The following FAM200B variants were observed in gnomAD, a reference collection of about 807,000 sequenced individuals.
FAM200B encodes the protein protein FAM200B.
In FAM200B, 32 loss-of-function variants were observed where a neutral mutation model predicts 33.1. The observed-to-expected ratio is 0.97, with a 90% CI of 0.73 to 1.30. The LOEUF is 1.30. Ranked by LOEUF, FAM200B falls within the 50% of genes most tolerant of loss-of-function variation. The pLI, the probability that FAM200B is intolerant of heterozygous loss-of-function variation, is 0.00. For synonymous variants in FAM200B, 240 were observed against 264.8 expected, an observed-to-expected ratio of 0.91 and a Z score of 0.91; for missense variants, 741 against 754.0, an observed-to-expected ratio of 0.98 and a Z score of 0.20.
intron 1 of FAM200B, among the ~76,000 whole-genome samples, chr4:15,683,562 T>C (rs1371760629): frequency 6.6e-6 from 1 of 152,188 alleles, no homozygotes; most frequent in Non-Finnish European, 1.5e-5. Context: ...CCATATATAG[T>C]AATATAAAAA....
the FAM200B span, among the ~76,000 whole-genome samples, chr4:15,647,167 G>A: frequency 7.6e-6 from 1 of 132,380 alleles, no homozygotes; most frequent in Non-Finnish European, 1.5e-5. Context: ...AGGTTGCAGT[G>A]AGCCGAGATC....
the FAM200B span, among the ~76,000 whole-genome samples, chr4:15,666,896 A>AGTGCTAAATGT: frequency 6.6e-6 from 1 of 152,170 alleles, no homozygotes; most frequent in Non-Finnish European, 1.5e-5. Context: ...AGGCAAATGG[A>AGTGCTAAATGT]GTGCTAAATG....
the FAM200B span, chr4:15,641,580 T>C: frequency 1.3e-5 from 6 of 457,228 alleles, no homozygotes; most frequent in African/African-American, 5.8e-5. Flanking sequence ...ATAATTGTTA[T>C]TCGATTGTTT....
At chr4:15,670,710 GA>G in the FAM200B span, among the ~76,000 whole-genome samples, 91,358 of 148,846 alleles carry the variant, frequency 0.61, 27,936 homozygotes, top group Non-Finnish European at 0.64. Context: ...TTGAAAAAAG[GA>G]AAAAAAAAAA....
At position 15,687,002 on chromosome 4, in the gene FAM200B, A is replaced by T. The variant is rs1485823641; in HGVS notation, c.25A>T (p.Lys9Ter). 7.1e-7 allele frequency: 1 copy of T among 1,413,828 alleles called. No homozygotes were observed. Among genetic ancestry groups the T allele is most frequent in the East Asian group, 2.6e-5 (1 of 38,310 alleles). The allele number at this position is 1,413,828 out of a possible 1,614,324, so 87.6% of individuals were successfully genotyped here. The change falls in exon 2 of 2, where the codon AAG becomes TAG. Residue 9 changes from lysine to a stop codon, truncating the protein, a stop_gained. Coordinates refer to ENST00000422728, the MANE Select transcript of FAM200B (RefSeq NM_001145191.2). LOFTEE classifies it high-confidence loss of function. ...AATGGATCATTTCTTTATTAAAAGAAAGAGGAATAGTGAAGTGAAATATAC... is the reference window on the plus strand; with the variant it reads ...AATGGATCATTTCTTTATTAAAAGATAGAGGAATAGTGAAGTGAAATATAC... MDHFFIKR[K>*]RNSEVKYTEA...
At chr4:15,665,343 T>G in the FAM200B span, among the ~76,000 whole-genome samples, 2 of 152,124 alleles carry the variant, frequency 1.3e-5, no homozygotes, top group Admixed American at 1.3e-4. Context: ...CAAGGCAAAC[T>G]TGAGGTACAG....
chr4:15,679,791 A>C (rs34473224), upstream of FAM200B, among the ~76,000 whole-genome samples: 36,657 of 151,456 alleles, frequency 0.24, 4,683 homozygotes, highest in African/African-American at 0.28. Flanking sequence ...AGTATGTCTC[A>C]TTCTCTTCTC....
the FAM200B span, among the ~76,000 whole-genome samples, chr4:15,671,812 T>C: frequency 2.6e-5 from 4 of 152,210 alleles, no homozygotes; most frequent in Non-Finnish European, 5.9e-5. Flanking sequence ...ATGAATCTTT[T>C]CTTCCACAAT....
At chr4:15,684,537 A>C (rs549346697) in intron 1 of FAM200B, 22 of 152,270 alleles carry the variant, frequency 1.4e-4, no homozygotes, top group African/African-American at 5.3e-4. Flanking sequence ...TTCTTGGGGG[A>C]AAGTTGAAGC....
the FAM200B span, among the ~76,000 whole-genome samples, chr4:15,675,294 T>C: frequency 9.2e-5 from 14 of 152,080 alleles, no homozygotes; most frequent in African/African-American, 3.4e-4. Flanking sequence ...TAGAAATTAA[T>C]ATGGGAAGCA....
upstream of FAM200B, among the ~76,000 whole-genome samples, chr4:15,680,521 A>G (rs1674253197): frequency 6.6e-6 from 1 of 152,112 alleles, no homozygotes; most frequent in Non-Finnish European, 1.5e-5. Context: ...TTTGAAAAAT[A>G]CAAAAATTAG....
chr4:15,687,403 TAGTG>T lies in FAM200B; in HGVS notation c.429_432del (p.Ser143ArgfsTer9), dbSNP rs1158906491. 7.1e-6 allele frequency: 11 copies of T among 1,548,778 alleles called. No individual in the cohort carries two copies. The South Asian group carries it at 9.6e-5, about 13-fold the overall frequency. On this transcript the variant is annotated frameshift_variant, in exon 2 of 2. Coordinates refer to ENST00000422728, the MANE Select transcript of FAM200B (RefSeq NM_001145191.2). LOFTEE classifies it high-confidence loss of function. The stretch of plus-strand genomic sequence containing the variant: ...AATTTCTTAGTTGTTCTACTGCTGT[TAGTG>T]AGAAAGCCTTATTATCATCATATTT...
the FAM200B span, among the ~76,000 whole-genome samples, chr4:15,676,624 A>G: frequency 6.6e-6 from 1 of 152,128 alleles, no homozygotes; most frequent in East Asian, 1.9e-4. Flanking sequence ...TTACAGGGTC[A>G]TACATTTCCT....
chr4:15,648,717 G>GA, the FAM200B span, among the ~76,000 whole-genome samples: 1 of 152,130 alleles, frequency 6.6e-6, no homozygotes, highest in Non-Finnish European at 1.5e-5. Flanking sequence ...AGGGGATGGA[G>GA]AAAATGGGGA....
At position 15,687,812 on chromosome 4, in the gene FAM200B, C is replaced by T. The variant is rs141613449; in HGVS notation, c.835C>T (p.Arg279Cys). 469 of 1,550,734 alleles carry T rather than the reference C, an allele frequency of 3.0e-4. 2 individuals carry two copies. In the African/African-American group the frequency reaches 4.2e-3, roughly 14 times the overall value. Residue 279 changes from arginine (R) to cysteine (C), a missense_variant, in exon 2 of 2, where the codon CGC becomes TGC. By Grantham distance (180) the Arg-to-Cys change is radical. Transcript: ENST00000422728. ...GLDIFTELERRIVGQYKLNWK... is the reference protein window; with the variant it reads ...GLDIFTELERCIVGQYKLNWK... ...AGATATTTTTACAGAATTAGAAAGG[C>T]GCATAGTTGGCCAATATAAATTAAA...
At chr4:15,675,924 A>G in the FAM200B span, among the ~76,000 whole-genome samples, 2 of 152,212 alleles carry the variant, frequency 1.3e-5, no homozygotes, top group Non-Finnish European at 2.9e-5. Context: ...TGCTATTCTG[A>G]CTACCTCAAA....
Position 15,686,919 on chromosome 4 carries a change from T to C in FAM200B, c.-59T>C. ...ATTTAGACTGTATATTTTTTTCTTC[T>C]TTTTTGAGTTAGTGCCAATTATAAC... On this transcript the variant is annotated 5_prime_UTR_variant, in exon 2 of 2. Transcript: ENST00000422728. 4 of 906,102 alleles carry C rather than the reference T, an allele frequency of 4.4e-6. No individual in the cohort carries two copies. The highest frequency in any genetic ancestry group is 6.3e-6 in the Non-Finnish European group (4 of 634,094). The allele number at this position is 906,102 out of a possible 1,614,324, so 56.1% of individuals were successfully genotyped here. A position where few individuals can be genotyped will look rare whatever the true frequency, so the allele number is the denominator to read the frequency against.
upstream of FAM200B, among the ~76,000 whole-genome samples, chr4:15,676,754 T>C (rs1447552795): frequency 6.6e-6 from 1 of 152,206 alleles, no homozygotes; most frequent in Non-Finnish European, 1.5e-5. Flanking sequence ...GGGTTCATTA[T>C]ACAATTCTTT....
the FAM200B span, among the ~76,000 whole-genome samples, chr4:15,644,946 T>C: frequency 1.3e-5 from 2 of 152,288 alleles, no homozygotes; most frequent in Admixed American, 6.5e-5. Flanking sequence ...AAAAATGATA[T>C]GTGCACAAAT....
Sources: allele counts gnomAD v4.1 joint callset (sites outside exome capture counted in the v4.1 genomes callset), GRCh38; gene constraint gnomAD v4.1.1; transcripts MANE v1.5; gene names NCBI Gene and HGNC (gene_info 2026-07-23, HGNC 2026-07-21).